Variants in CATSPERG observed in about 807,000 individuals in gnomAD.
CATSPERG encodes the protein cation channel sperm-associated auxiliary subunit gamma.
A neutral mutation model predicts 145.0 loss-of-function variants in CATSPERG; 115 were observed. The ratio of observed to expected loss-of-function variants is 0.79; its 90% confidence interval spans 0.68 to 0.93. The LOEUF is 0.93. Ranked by LOEUF, CATSPERG falls within the 40% of genes least tolerant of loss-of-function variation. CATSPERG has a pLI of 0.00. For missense variants in CATSPERG, 1,296 were observed against 1,490.1 expected (o/e 0.87, Z 2.14); for synonymous variants, 588 against 589.0 (o/e 1.00, Z 0.02).
Position 38,361,786 on chromosome 19 carries a change from C to T in CATSPERG, c.2019C>T (p.Phe673=), listed in dbSNP as rs1174777827. The T allele has an allele frequency of 6.2e-7, 1 of 1,613,188 alleles. No homozygotes were observed. The highest frequency in any genetic ancestry group is 8.5e-7 in the Non-Finnish European group (1 of 1,179,660). ...RPPRVLERSG[F]HNENSLAIYQ... ...CGCGCGTCCTGGAGCGCTCGGGCTT[C>T]CACAACGAGAACTCGCTCGCCATCT... Residue 673 remains phenylalanine, a synonymous_variant, in exon 17 of 29, where the codon TTC becomes TTT. Coordinates refer to ENST00000409235, the MANE Select transcript of CATSPERG (RefSeq NM_021185.5).
rs1158525255 is a variant in CATSPERG, at chr19:38,344,901, A to ATT, written c.669+555_669+556dup. Among the ~76,000 whole-genome samples, 130 of 80,016 alleles carry ATT rather than the reference A, an allele frequency of 1.6e-3. 9 individuals carry two copies. The highest frequency in any genetic ancestry group is 2.9e-3 in the African/African-American group (61 of 20,966). 52.5% of individuals were successfully genotyped at this position (80,016 alleles called of 152,430 possible). The stretch of plus-strand genomic sequence containing the variant: ...CACACACATATATATATATATATAT[A>ATT]TTTTTTTTTTTTTTTTTTTTTTTGA... On this transcript the variant is annotated intron_variant, in intron 6 of 28. Coordinates refer to ENST00000409235, the MANE Select transcript of CATSPERG (RefSeq NM_021185.5).
At chr19:38,342,770 C>T (rs1038735588) in intron 3 of CATSPERG, among the ~76,000 whole-genome samples, 4 of 151,830 alleles carry the variant, frequency 2.6e-5, no homozygotes, top group East Asian at 1.9e-4. Context: ...CTCTCGGGGA[C>T]GCCTCTTAGC....
chr19:38,336,613 A>AGGGATTTTG, intron 1 of CATSPERG: 1 of 236,202 alleles, frequency 4.2e-6, no homozygotes, highest in South Asian at 4.5e-5. Context: ...GAGCGAGGAG[A>AGGGATTTTG]AAGCGGCGAT....
intron 26 of CATSPERG, among the ~76,000 whole-genome samples, chr19:38,368,949 C>T (rs1336283237): frequency 9.9e-5 from 15 of 152,248 alleles, no homozygotes; most frequent in Admixed American, 9.8e-4. Context: ...AGGCACATGC[C>T]ACCATGCCCG....
intron 8 of CATSPERG, among the ~76,000 whole-genome samples, chr19:38,354,386 C>A (rs2145088659): frequency 6.6e-6 from 1 of 152,304 alleles, no homozygotes; most frequent in South Asian, 2.1e-4. Flanking sequence ...CCCTCAGTAG[C>A]CCCAGAAAAG....
intron 10 of CATSPERG, 70 bp from the exon 11 acceptor site, chr19:38,356,672 G>C: frequency 6.2e-7 from 1 of 1,600,828 alleles, no homozygotes; most frequent in African/African-American, 1.3e-5. Context: ...TTATGGGGAG[G>C]GGTACAGCTG....
chr19:38,351,518 G>T lies in CATSPERG; in HGVS notation c.826-743G>T, dbSNP rs996876720. 4.0e-5 allele frequency among the ~76,000 whole-genome samples: 6 copies of T among 151,762 alleles called. No homozygotes were observed. In the South Asian group the frequency reaches 1.2e-3, roughly 32 times the overall value. ...AGCTACTCGGGAAGCTGAGGCAGGA[G>T]AATGGCGTGAACCCGGGAGGCGGAG... On this transcript the variant is annotated intron_variant, in intron 7 of 28. Transcript: ENST00000409235.
chr19:38,370,092 G>C (rs1185566301), intron 27 of CATSPERG, 28 bp downstream of exon 27: 1 of 1,613,550 alleles, frequency 6.2e-7, no homozygotes, highest in Non-Finnish European at 8.5e-7. Context: ...CCCAGGTGCG[G>C]GTCAGGGGCT....
chr19:38,337,249 C>T lies in CATSPERG; in HGVS notation c.15C>T (p.Ala5=). ...CTAGCCACGTTATGTGCGGCCCAGC[C>T]ATGTTCCCTGCCGGTCCTCCGTGGC... is the stretch of plus-strand genomic sequence containing the variant. MCGP[A]MFPAGPPWPR... The change falls in exon 2 of 29, where the codon GCC becomes GCT. Residue 5 remains alanine (A), a synonymous_variant. Coordinates refer to ENST00000409235, the MANE Select transcript of CATSPERG (RefSeq NM_021185.5). The T allele has an allele frequency of 6.4e-7, 1 of 1,551,384 alleles. No individual in the cohort carries two copies. The highest frequency in any genetic ancestry group is 8.7e-7 in the Non-Finnish European group (1 of 1,147,016).
Position 38,360,507 on chromosome 19 carries a change from G to C in CATSPERG, c.1627G>C (p.Gly543Arg), listed in dbSNP as rs749498461. ...CCCGCAGATCTGGTACCTCCTGGAGGGCAGCTACCGGGTCTACCAGCTGTT... is the reference window on the plus strand; with the variant it reads ...CCCGCAGATCTGGTACCTCCTGGAGCGCAGCTACCGGGTCTACCAGCTGTT... ...ETEEIWYLLE[G>R]SYRVYQLFPS... The change falls in exon 15 of 29, where the codon GGC becomes CGC. Residue 543 changes from glycine (G) to arginine (R), a missense_variant. By Grantham distance (125) the Gly-to-Arg change is moderately radical (BLOSUM62 -2). Coordinates refer to ENST00000409235, the MANE Select transcript of CATSPERG (RefSeq NM_021185.5). 3 of 1,614,080 alleles carry C rather than the reference G, an allele frequency of 1.9e-6. No homozygotes were observed. The South Asian group carries it at 3.3e-5, about 18-fold the overall frequency.
At chr19:38,355,734 AAG>A (rs1314908756) in intron 9 of CATSPERG, among the ~76,000 whole-genome samples, 2 of 152,200 alleles carry the variant, frequency 1.3e-5, no homozygotes, top group African/African-American at 2.4e-5. Context: ...CTTAAGCACA[AAG>A]AATTTGTGGA....
intron 11 of CATSPERG, 94 bp from the exon 12 acceptor site, chr19:38,358,184 T>G: frequency 7.8e-7 from 1 of 1,285,044 alleles, no homozygotes; most frequent in Non-Finnish European, 1.1e-6. Context: ...TTGGAGGGTT[T>G]TACAGGAGGC....
In CATSPERG at chr19:38,336,748, A is replaced by G. The variant is rs377715635; in HGVS notation, c.-14-473A>G. 358 of 255,086 alleles carry G rather than the reference A, an allele frequency of 1.4e-3. 3 individuals are homozygous for G. Among genetic ancestry groups the G allele is most frequent in the South Asian group, 9.8e-3 (237 of 24,130 alleles). 15.8% of individuals were successfully genotyped at this position (255,086 alleles called of 1,614,324 possible). ...GGGGGACTGTCAAAGCGAGAAATAG[A>G]AACCAAGACCAGGTGAAGAGCAAGA... On this transcript the variant is annotated intron_variant, in intron 1 of 28. Transcript: ENST00000409235.
chr19:38,367,085 C>T (rs1970462701), intron 22 of CATSPERG, 71 bp from the exon 23 acceptor site: 1 of 1,437,650 alleles, frequency 7.0e-7, no homozygotes, highest in Admixed American at 2.5e-5. Flanking sequence ...ACTGTCCTTC[C>T]TGCCCCTTAC....
chr19:38,363,428 C>T (rs570264072), intron 20 of CATSPERG, among the ~76,000 whole-genome samples: 18 of 150,954 alleles, frequency 1.2e-4, no homozygotes, highest in Non-Finnish European at 2.2e-4. Context: ...CCTCATGCCT[C>T]GGCGTGAGGT....
At position 38,354,017 on chromosome 19, in the gene CATSPERG, A is replaced by G. The variant is rs200165730; in HGVS notation, c.998-693A>G. Among the ~76,000 whole-genome samples, 19 of 147,936 alleles carry G rather than the reference A, an allele frequency of 1.3e-4. 1 individual carries two copies. In the East Asian group the frequency reaches 2.8e-3, roughly 22 times the overall value. On this transcript the variant is annotated intron_variant, in intron 8 of 28. Transcript: ENST00000409235. The stretch of plus-strand genomic sequence containing the variant: ...AAAAAAAAAAAAAAAAAAAAAAAAA[A>G]AGATACCAAAGCTCTCTTATTTCTT...
Position 38,356,557 on chromosome 19 carries a change from C to T in CATSPERG, c.1195+14C>T, listed in dbSNP as rs142066780. 1.0e-3 allele frequency: 1,647 copies of T among 1,612,812 alleles called. 13 individuals carry two copies. In the African/African-American group the frequency reaches 0.017, roughly 17 times the overall value. ...AGCAGATAGGAGGTACTCATTACCC[C>T]GATGGGTCTGCGGTGGGAGGCTGGG... is the stretch of plus-strand genomic sequence containing the variant. On this transcript the variant is annotated intron_variant, in intron 10 of 28. Coordinates refer to ENST00000409235, the MANE Select transcript of CATSPERG (RefSeq NM_021185.5).
At position 38,358,551 on chromosome 19, in the gene CATSPERG, C is replaced by T; in HGVS notation, c.1486C>T (p.Leu496Phe). 1.2e-6 allele frequency: 2 copies of T among 1,614,190 alleles called. No individual in the cohort carries two copies. The highest frequency in any genetic ancestry group is 1.7e-6 in the Non-Finnish European group (2 of 1,180,024). The change falls in exon 13 of 29, where the codon CTC (leucine) becomes TTC (phenylalanine). Residue 496 changes from leucine to phenylalanine, a missense_variant. Transcript: ENST00000409235. ...NNLIFIWGNF[L>F]LQSSNKENFI... Reference sequence around the variant, plus strand: ...TCTGATCTTCATCTGGGGCAACTTCCTCCTGCAGAGGTGGGCCTCTACCAC... The same window carrying T: ...TCTGATCTTCATCTGGGGCAACTTCTTCCTGCAGAGGTGGGCCTCTACCAC...
Position 38,362,399 on chromosome 19 carries a change from C to A in CATSPERG, c.2181C>A (p.Ser727Arg), listed in dbSNP as rs139135794. The change falls in exon 19 of 29, where the codon AGC becomes AGA. Residue 727 changes from serine to arginine, a missense_variant. Transcript: ENST00000409235. Reference sequence around the variant, plus strand: ...AGGATTACTACTTCTTCTTGGCGAGCAATTGGCGAAGCGCGGGCGGCGTGT... The same window carrying A: ...AGGATTACTACTTCTTCTTGGCGAGAAATTGGCGAAGCGCGGGCGGCGTGT... ...QDQDYYFFLA[S>R]NWRSAGGVSI... The A allele has an allele frequency of 7.4e-6, 12 of 1,614,162 alleles. No individual in the cohort carries two copies. Among genetic ancestry groups the A allele is most frequent in the Non-Finnish European group, 1.0e-5 (12 of 1,180,022 alleles).
Sources: gnomAD v4.1 joint callset for allele counts (sites outside exome capture counted in the v4.1 genomes callset) on GRCh38, gnomAD v4.1.1 for gene constraint, MANE v1.5 for transcripts, NCBI Gene and HGNC (gene_info 2026-07-23, HGNC 2026-07-21) for gene names.